TENM2: variants seen among roughly 807,000 people sequenced by gnomAD.
The protein encoded by TENM2 is teneurin-2.
Under a neutral mutation model 245.2 loss-of-function variants are expected in TENM2, and 52 were observed. The observed-to-expected ratio is 0.21, with a 90% confidence interval of 0.17 to 0.27. TENM2 has a LOEUF of 0.27. Ranked by LOEUF, TENM2 falls within the 10% of genes least tolerant of loss-of-function variation. The probability of loss-of-function intolerance (pLI) is 1.00; values close to 1 mark genes in which losing one functional copy is unlikely to be tolerated. For missense variants in TENM2, 3,046 were observed against 3,666.8 expected, an observed-to-expected ratio of 0.83 and a Z score of 4.37; for synonymous variants, 1,363 against 1,438.9, an observed-to-expected ratio of 0.95 and a Z score of 1.19.
intron 2 of TENM2, among the ~76,000 whole-genome samples, chr5:167,557,307 T>C (rs778018262): frequency 1.4e-4 from 22 of 152,202 alleles, no homozygotes; most frequent in Non-Finnish European, 2.8e-4. Flanking sequence ...ATGATGCCTA[T>C]TTTGTGGAGA....
At chr5:167,795,639 C>A (rs1171697087) in intron 2 of TENM2, among the ~76,000 whole-genome samples, 2 of 151,922 alleles carry the variant, frequency 1.3e-5, no homozygotes, top group South Asian at 2.1e-4. Context: ...CCACAAGAAG[C>A]ACCAGGAAGG....
chr5:167,801,115 T>TATAC (rs1561795732), intron 2 of TENM2, among the ~76,000 whole-genome samples: 3 of 46,440 alleles, frequency 6.5e-5, no homozygotes, highest in Admixed American at 3.1e-4. Flanking sequence ...AAAAAATATA[T>TATAC]ATATATATAT....
intron 2 of TENM2, among the ~76,000 whole-genome samples, chr5:167,661,455 A>G (rs932700091): frequency 1.3e-5 from 2 of 152,204 alleles, no homozygotes; most frequent in Non-Finnish European, 2.9e-5. Flanking sequence ...AGATTTGAAT[A>G]TTAGCACCTG....
intron 3 of TENM2, among the ~76,000 whole-genome samples, chr5:167,916,080 G>A (rs939736016): frequency 2.0e-5 from 3 of 152,196 alleles, no homozygotes; most frequent in Non-Finnish European, 2.9e-5. Context: ...TATCGTGCAC[G>A]TGCCAGGTGC....
At chr5:167,764,564 T>C (rs1762879687) in intron 2 of TENM2, among the ~76,000 whole-genome samples, 1 of 152,160 alleles carries the variant, frequency 6.6e-6, no homozygotes, top group Non-Finnish European at 1.5e-5. Flanking sequence ...GCCTTTGTGT[T>C]TCAGACAGTG....
chr5:167,947,852 C>A (rs1234974746), intron 3 of TENM2, among the ~76,000 whole-genome samples: 1 of 152,130 alleles, frequency 6.6e-6, no homozygotes, highest in Non-Finnish European at 1.5e-5. Context: ...AGCAGCTAGG[C>A]AGGCCCTGAC....
At chr5:167,529,463 A>G (rs1728208097) in intron 2 of TENM2, among the ~76,000 whole-genome samples, 1 of 152,216 alleles carries the variant, frequency 6.6e-6, no homozygotes, top group African/African-American at 2.4e-5. Flanking sequence ...TTCTTGGTTT[A>G]GTCTTTCCTG....
intron 2 of TENM2, among the ~76,000 whole-genome samples, chr5:167,578,884 G>T (rs941675022): frequency 3.3e-5 from 5 of 152,162 alleles, no homozygotes; most frequent in Admixed American, 6.5e-5. Context: ...CTTTTCAACA[G>T]AGTTCACGAT....
In TENM2 at chr5:167,663,179, AG is replaced by A. The variant is rs1561650122; in HGVS notation, c.503-212806del. Among the ~76,000 whole-genome samples the A allele has an allele frequency of 8.5e-3, 1,238 of 144,940 alleles. 16 individuals are homozygous for A. Among genetic ancestry groups the A allele is most frequent in the African/African-American group, 0.032 (1,156 of 36,596 alleles). On this transcript the variant is annotated intron_variant, in intron 2 of 28. Transcript: ENST00000518659. ...GAGAGAGAGAGAGAGAGAGAGAGAG[AG>A]AGAGAGAAAGAGAGAGAATGAATGC...
the TENM2 span, among the ~76,000 whole-genome samples, chr5:167,249,034 A>G: frequency 6.6e-6 from 1 of 152,120 alleles, no homozygotes; most frequent in Non-Finnish European, 1.5e-5. Context: ...AATTAATACT[A>G]TGTCTAGGCA....
chr5:167,782,310 TCTC>T (rs368891235), intron 2 of TENM2, among the ~76,000 whole-genome samples: 6,016 of 77,786 alleles, frequency 0.077, 245 homozygotes, highest in Middle Eastern at 0.17. Context: ...CAAAACTCTG[TCTC>T]AAAAAAAAAA....
At chr5:168,055,544 C>A (rs749703371) in intron 6 of TENM2, among the ~76,000 whole-genome samples, 6 of 152,106 alleles carry the variant, frequency 3.9e-5, no homozygotes, top group Non-Finnish European at 7.4e-5. Flanking sequence ...ACTGGTCACT[C>A]ACTGTATATT....
chr5:167,698,852 T>G (rs1757961073), intron 2 of TENM2, among the ~76,000 whole-genome samples: 3 of 151,858 alleles, frequency 2.0e-5, no homozygotes. Flanking sequence ...CCCAGCTAAT[T>G]TTTGTATTTT....
intron 25 of TENM2, chr5:168,240,907 T>C (rs1407369717): frequency 1.3e-5 from 2 of 152,060 alleles, no homozygotes; most frequent in Non-Finnish European, 1.5e-5. Flanking sequence ...CTGAAACCCA[T>C]AGGTTTAAGA....
chr5:167,227,704 T>C, the TENM2 span, among the ~76,000 whole-genome samples: 1 of 152,210 alleles, frequency 6.6e-6, no homozygotes, highest in Non-Finnish European at 1.5e-5. Flanking sequence ...GTCTTTGACA[T>C]TAGAGTTTGA....
intron 2 of TENM2, among the ~76,000 whole-genome samples, chr5:167,544,808 C>T (rs4273621): frequency 0.011 from 1,703 of 152,030 alleles, 89 homozygotes; most frequent in Admixed American, 0.092. Context: ...TTTAAAATAA[C>T]GAAAAGCAAA....
At chr5:167,452,194 G>C (rs1468823869) in intron 2 of TENM2, among the ~76,000 whole-genome samples, 1 of 152,134 alleles carries the variant, frequency 6.6e-6, no homozygotes, top group Non-Finnish European at 1.5e-5. Flanking sequence ...TTCTGAGTGG[G>C]GTGACGGACA....
intron 5 of TENM2, chr5:168,033,122 G>A (rs1362234858): frequency 2.0e-5 from 3 of 152,046 alleles, no homozygotes; most frequent in Non-Finnish European, 4.4e-5. Flanking sequence ...AACAACTCAT[G>A]GGTTGCAAAA....
At chr5:167,843,472 A>G (rs1327651316) in intron 2 of TENM2, among the ~76,000 whole-genome samples, 1 of 152,184 alleles carries the variant, frequency 6.6e-6, no homozygotes, top group African/African-American at 2.4e-5. Flanking sequence ...TATTTTCAAG[A>G]AAGTCTATAC....
Sources: gnomAD v4.1 joint callset for allele counts (sites outside exome capture counted in the v4.1 genomes callset) on GRCh38, gnomAD v4.1.1 for gene constraint, MANE v1.5 for transcripts, NCBI Gene and HGNC (gene_info 2026-07-23, HGNC 2026-07-21) for gene names.